The following SPMIP2 variants were observed in gnomAD, a reference collection of about 807,000 sequenced individuals.
SPMIP2 encodes the protein protein SPMIP2.
the SPMIP2 span, among the ~76,000 whole-genome samples, chr4:158,937,004 T>C: frequency 6.6e-6 from 1 of 152,158 alleles, no homozygotes; most frequent in African/African-American, 2.4e-5. Context: ...CGAGAGAGCA[T>C]ATCTTGAAGG....
chr4:158,911,016 A>G, the SPMIP2 span, among the ~76,000 whole-genome samples: 1 of 152,208 alleles, frequency 6.6e-6, no homozygotes, highest in Non-Finnish European at 1.5e-5. Flanking sequence ...TTGTCATTCC[A>G]AGTTACAGGA....
At chr4:158,955,162 ACAC>A in the SPMIP2 span, among the ~76,000 whole-genome samples, 6 of 152,160 alleles carry the variant, frequency 3.9e-5, no homozygotes, top group Non-Finnish European at 8.8e-5. Context: ...ACACACACTC[ACAC>A]AACAAAAATG....
the SPMIP2 span, among the ~76,000 whole-genome samples, chr4:158,951,911 A>G: frequency 6.6e-6 from 1 of 152,234 alleles, no homozygotes; most frequent in Non-Finnish European, 1.5e-5. Context: ...GAAAAAGGGG[A>G]AAAGGCTTAG....
the SPMIP2 span, among the ~76,000 whole-genome samples, chr4:158,979,154 G>A: frequency 6.6e-6 from 1 of 152,200 alleles, no homozygotes; most frequent in Non-Finnish European, 1.5e-5. Context: ...CACACTGTGA[G>A]GGGAAAACCA....
chr4:158,899,130 G>C, the SPMIP2 span, among the ~76,000 whole-genome samples: 2 of 152,156 alleles, frequency 1.3e-5, no homozygotes, highest in Admixed American at 6.5e-5. Context: ...CACTGGTTTT[G>C]TTTATGCGAT....
chr4:159,021,116 TTC>T, the SPMIP2 span, among the ~76,000 whole-genome samples: 5 of 151,946 alleles, frequency 3.3e-5, no homozygotes, highest in African/African-American at 1.2e-4. Context: ...CACATATAGT[TTC>T]TGTCTGTGGT....
chr4:159,076,723 A>G, the SPMIP2 span, among the ~76,000 whole-genome samples: 9,453 of 152,174 alleles, frequency 0.062, 421 homozygotes, highest in South Asian at 0.11. Flanking sequence ...GTTGGAGTAT[A>G]GTAATACAAT....
At chr4:158,913,436 C>T in the SPMIP2 span, among the ~76,000 whole-genome samples, 2 of 151,956 alleles carry the variant, frequency 1.3e-5, no homozygotes, top group African/African-American at 4.8e-5. Flanking sequence ...GTTGCCCAGG[C>T]TGCTCTCAAA....
chr4:158,928,542 G>A, the SPMIP2 span, among the ~76,000 whole-genome samples: 4 of 152,092 alleles, frequency 2.6e-5, no homozygotes, highest in African/African-American at 7.2e-5. Context: ...CTCAGGGATT[G>A]TAAACGCACC....
chr4:158,994,651 CTA>C, the SPMIP2 span, among the ~76,000 whole-genome samples: 1 of 152,148 alleles, frequency 6.6e-6, no homozygotes, highest in Non-Finnish European at 1.5e-5. Flanking sequence ...TCTGTTGACA[CTA>C]GAGTCATAAT....
At chr4:158,917,720 C>CTT in the SPMIP2 span, among the ~76,000 whole-genome samples, 2 of 70,286 alleles carry the variant, frequency 2.8e-5, no homozygotes, top group African/African-American at 5.8e-5. Flanking sequence ...CACTATTTGA[C>CTT]TTTTTTTTTT....
chr4:159,053,876 C>T, the SPMIP2 span, among the ~76,000 whole-genome samples: 1 of 151,430 alleles, frequency 6.6e-6, no homozygotes, highest in Non-Finnish European at 1.5e-5. Context: ...ATTGCTTGAA[C>T]CCAAGAATAA....
chr4:159,007,289 G>T, the SPMIP2 span: 1 of 1,019,512 alleles, frequency 9.8e-7, no homozygotes, highest in South Asian at 1.3e-5. Flanking sequence ...TGGCTGACCT[G>T]ACTTCCCTCC....
At chr4:159,034,973 T>C in the SPMIP2 span, 19 of 1,198,640 alleles carry the variant, frequency 1.6e-5, no homozygotes, top group South Asian at 6.4e-5. Context: ...AAAAATCATA[T>C]ATGTGAGAGA....
the SPMIP2 span, among the ~76,000 whole-genome samples, chr4:159,018,470 T>C: frequency 3.9e-5 from 6 of 152,354 alleles, no homozygotes; most frequent in South Asian, 1.2e-3. Flanking sequence ...TATGTTGTTT[T>C]CTAGTTTGCA....
At chr4:159,045,340 G>A in the SPMIP2 span, among the ~76,000 whole-genome samples, 1 of 49,738 alleles carries the variant, frequency 2.0e-5, no homozygotes, top group Non-Finnish European at 4.4e-5. Flanking sequence ...ATGTATAAAA[G>A]CTAAGGTATT....
At chr4:158,921,541 C>A in the SPMIP2 span, among the ~76,000 whole-genome samples, 1 of 152,188 alleles carries the variant, frequency 6.6e-6, no homozygotes, top group South Asian at 2.1e-4. Flanking sequence ...GGAAGATGTG[C>A]CTGCTTCTGC....
the SPMIP2 span, among the ~76,000 whole-genome samples, chr4:159,051,524 TGCAAA>T: frequency 6.6e-6 from 1 of 152,212 alleles, no homozygotes; most frequent in South Asian, 2.1e-4. Context: ...CATTACCAAA[TGCAAA>T]GCAGAGACCA....
At chr4:158,957,256 C>T in the SPMIP2 span, among the ~76,000 whole-genome samples, 1 of 152,078 alleles carries the variant, frequency 6.6e-6, no homozygotes, top group Admixed American at 6.6e-5. Context: ...TTATTAAAAT[C>T]CAAATTCTCT....
Sources: allele counts gnomAD v4.1 joint callset (sites outside exome capture counted in the v4.1 genomes callset), GRCh38; gene constraint gnomAD v4.1.1; transcripts MANE v1.5; gene names NCBI Gene and HGNC (gene_info 2026-07-23, HGNC 2026-07-21).